DACH2: variants seen among roughly 807,000 people sequenced by gnomAD.
DACH2 encodes the protein dachshund family transcription factor 2.
Under a neutral mutation model 35.8 loss-of-function variants are expected in DACH2, and 17 were observed. That is an observed-to-expected ratio of 0.48 (90% CI 0.33 to 0.71). DACH2 has a LOEUF of 0.71. DACH2 is among the 30% of genes least tolerant of loss of function. The pLI is 0.02. For missense variants in DACH2, 469 were observed against 472.7 expected, an observed-to-expected ratio of 0.99 and a Z score of 0.07; for synonymous variants, 195 against 177.3, an observed-to-expected ratio of 1.10 and a Z score of -0.79.
chrX:86,811,020 G>T (rs1240802382), intron 7 of DACH2, among the ~76,000 whole-genome samples: 2 of 112,068 alleles, frequency 1.8e-5, no homozygotes, highest in Admixed American at 9.5e-5. Flanking sequence ...TTCCTAGGAA[G>T]TTATTCTCAT....
chrX:86,381,127 C>G (rs1431563106), intron 2 of DACH2, among the ~76,000 whole-genome samples: 1 of 109,605 alleles, frequency 9.1e-6, no homozygotes, highest in African/African-American at 3.3e-5. Flanking sequence ...AGGTTGTGGG[C>G]TATGTGTGTC....
intron 1 of DACH2, among the ~76,000 whole-genome samples, chrX:86,275,169 T>C (rs543207527): frequency 3.6e-5 from 4 of 112,076 alleles, no homozygotes; most frequent in African/African-American, 1.3e-4. Context: ...TCTCCTGTTT[T>C]ACATATAACG....
At chrX:86,324,486 G>A (rs1363604243) in intron 1 of DACH2, among the ~76,000 whole-genome samples, 3 of 110,437 alleles carry the variant, frequency 2.7e-5, no homozygotes, top group African/African-American at 9.9e-5. Context: ...GTTCTACTCT[G>A]GGTAAAATTC....
chrX:86,430,678 G>A (rs2036971695), intron 2 of DACH2, among the ~76,000 whole-genome samples: 1 of 111,707 alleles, frequency 9.0e-6, no homozygotes, highest in African/African-American at 3.3e-5. Flanking sequence ...TTATCGTACT[G>A]GTCATTTTTG....
intron 2 of DACH2, among the ~76,000 whole-genome samples, chrX:86,405,555 G>A (rs928733174): frequency 2.7e-5 from 3 of 111,306 alleles, no homozygotes; most frequent in Middle Eastern, 4.6e-3. Context: ...TCTCTAGGAC[G>A]TCCAAACTTT....
chrX:86,729,714 G>C (rs2041511056), intron 6 of DACH2, among the ~76,000 whole-genome samples: 1 of 111,636 alleles, frequency 9.0e-6, no homozygotes, highest in Non-Finnish European at 1.9e-5. Context: ...GGTGATAAGT[G>C]AGTTCTCACT....
chrX:86,492,435 A>G (rs1241467275), intron 2 of DACH2, among the ~76,000 whole-genome samples: 6 of 111,896 alleles, frequency 5.4e-5, no homozygotes, highest in Non-Finnish European at 1.1e-4. Flanking sequence ...ATACTTGAAT[A>G]TATTTTGAGT....
chrX:86,608,751 T>C (rs1469864902), intron 3 of DACH2, among the ~76,000 whole-genome samples: 2 of 111,673 alleles, frequency 1.8e-5, no homozygotes. Context: ...TTTTGTTTGT[T>C]TGTTTTGGTT....
intron 1 of DACH2, among the ~76,000 whole-genome samples, chrX:86,212,442 C>A (rs999019668): frequency 2.7e-5 from 3 of 111,158 alleles, no homozygotes; most frequent in African/African-American, 9.8e-5. Flanking sequence ...ACCTAACAAG[C>A]ACTTTAAATT....
Position 86,332,608 on chromosome X carries a change from C to T in DACH2, c.489-44216C>T, listed in dbSNP as rs190397856. Among the ~76,000 whole-genome samples, 44 of 110,314 alleles carry T rather than the reference C, an allele frequency of 4.0e-4. 1 individual carries two copies. The East Asian group carries it at 8.5e-3, about 21-fold the overall frequency. On this transcript the variant is annotated intron_variant, in intron 1 of 11. Coordinates refer to ENST00000373125, the MANE Select transcript of DACH2 (RefSeq NM_053281.3). ...GAGTTCTTTAGAGAAATATTATAAA[C>T]GTAACACTAACATCTCTAAAGCACA...
At chrX:86,810,785 G>T (rs1188335236) in intron 7 of DACH2, among the ~76,000 whole-genome samples, 1 of 110,771 alleles carries the variant, frequency 9.0e-6, no homozygotes, top group Non-Finnish European at 1.9e-5. Flanking sequence ...TAAGGTCACA[G>T]AATTTGTGAT....
intron 2 of DACH2, among the ~76,000 whole-genome samples, chrX:86,513,851 C>T: frequency 8.9e-6 from 1 of 111,978 alleles, no homozygotes; most frequent in Middle Eastern, 4.6e-3. Context: ...CAGCTCTTTA[C>T]TATTCACCTC....
At chrX:86,283,463 G>T (rs1159798395) in intron 1 of DACH2, among the ~76,000 whole-genome samples, 1 of 111,217 alleles carries the variant, frequency 9.0e-6, no homozygotes, top group Non-Finnish European at 1.9e-5. Context: ...CAATAGCAAA[G>T]ACTCAGAACC....
chrX:86,692,740 T>C (rs1280150634), intron 4 of DACH2, among the ~76,000 whole-genome samples: 2 of 112,074 alleles, frequency 1.8e-5, no homozygotes, highest in Non-Finnish European at 3.8e-5. Flanking sequence ...ATTTTGCTCA[T>C]TTTATAAATT....
chrX:86,631,784 A>T (rs1414872047), intron 3 of DACH2, among the ~76,000 whole-genome samples: 2 of 111,519 alleles, frequency 1.8e-5, no homozygotes, highest in Non-Finnish European at 3.8e-5. Flanking sequence ...ACCCAAAGTT[A>T]CCAAACTTTT....
intron 2 of DACH2, among the ~76,000 whole-genome samples, chrX:86,478,682 T>C (rs2148231278): frequency 9.2e-6 from 1 of 108,769 alleles, no homozygotes. Flanking sequence ...GTGACAGGGG[T>C]TTGTCTTGCT....
At chrX:86,744,354 C>T (rs1229147398) in intron 7 of DACH2, among the ~76,000 whole-genome samples, 1 of 110,293 alleles carries the variant, frequency 9.1e-6, no homozygotes, top group Non-Finnish European at 1.9e-5. Flanking sequence ...ACATTTGTGA[C>T]GGTAAGAAAA....
intron 2 of DACH2, among the ~76,000 whole-genome samples, chrX:86,487,645 G>T (rs867423074): frequency 2.2e-5 from 1 of 44,898 alleles, no homozygotes; most frequent in Non-Finnish European, 4.4e-5. Flanking sequence ...CACTTGATGA[G>T]ATTTTAATCA....
At chrX:86,532,414 C>G (rs55832836) in intron 3 of DACH2, among the ~76,000 whole-genome samples, 25,468 of 109,802 alleles carry the variant, frequency 0.23, 2,691 homozygotes, top group African/African-American at 0.4. Context: ...CATGGGTACA[C>G]ATTTTGTCCT....
Sources: allele counts gnomAD v4.1 joint callset (sites outside exome capture counted in the v4.1 genomes callset), GRCh38; gene constraint gnomAD v4.1.1; transcripts MANE v1.5; gene names NCBI Gene and HGNC (gene_info 2026-07-23, HGNC 2026-07-21).